The following NRG3 variants were observed in gnomAD, a reference collection of about 807,000 sequenced individuals.
NRG3 encodes the protein pro-neuregulin-3, membrane-bound isoform.
NRG3 carries 31 observed loss-of-function variants against 66.9 expected under a neutral mutation model. The observed-to-expected ratio is 0.46, with a 90% CI of 0.35 to 0.63. NRG3 has a LOEUF of 0.63. Among genes scored for constraint, NRG3 ranks in the 20% least tolerant of loss-of-function variants. The pLI, the probability that NRG3 is intolerant of heterozygous loss-of-function variation, is 0.00. For missense variants in NRG3, 910 were observed against 878.9 expected (o/e 1.04, Z -0.45); for synonymous variants, 393 against 359.4 (o/e 1.09, Z -1.06).
At chr10:82,393,506 G>A (rs2135981669) in intron 2 of NRG3, among the ~76,000 whole-genome samples, 1 of 152,268 alleles carries the variant, frequency 6.6e-6, no homozygotes, top group Non-Finnish European at 1.5e-5. Flanking sequence ...TTGCCAGGAG[G>A]GAATGAAATA....
intron 1 of NRG3, among the ~76,000 whole-genome samples, chr10:82,100,388 T>A (rs2066655223): frequency 1.3e-5 from 2 of 152,092 alleles, no homozygotes; most frequent in Non-Finnish European, 2.9e-5. Flanking sequence ...TTCAGCCTTT[T>A]ATTGCACTGG....
intron 1 of NRG3, among the ~76,000 whole-genome samples, chr10:81,939,703 T>TA (rs56890949): frequency 3.8e-4 from 56 of 145,854 alleles, no homozygotes; most frequent in Middle Eastern, 3.5e-3. Flanking sequence ...TTGATCTTAT[T>TA]AAAAAAAAAA....
chr10:82,891,017 A>C (rs1440128449), intron 4 of NRG3, among the ~76,000 whole-genome samples: 1 of 152,088 alleles, frequency 6.6e-6, no homozygotes, highest in African/African-American at 2.4e-5. Context: ...TATAACATAC[A>C]ACTTGTAGCT....
At chr10:82,912,873 C>T (rs1845460954) in intron 4 of NRG3, among the ~76,000 whole-genome samples, 1 of 152,160 alleles carries the variant, frequency 6.6e-6, no homozygotes, top group African/African-American at 2.4e-5. Flanking sequence ...TGTACATTTA[C>T]AACTAATCTA....
At chr10:82,781,892 A>G (rs539030194) in intron 3 of NRG3, among the ~76,000 whole-genome samples, 2 of 152,262 alleles carry the variant, frequency 1.3e-5, no homozygotes, top group South Asian at 4.1e-4. Flanking sequence ...AGGACCAAAA[A>G]AAAAATCCTG....
chr10:82,109,794 A>G (rs1207554932), intron 1 of NRG3, among the ~76,000 whole-genome samples: 4 of 152,136 alleles, frequency 2.6e-5, no homozygotes, highest in Admixed American at 1.3e-4. Flanking sequence ...CAAGCCTTCA[A>G]ATTCAGTACT....
In NRG3 at chr10:82,758,887, T is replaced by TA. The variant is rs879445041; in HGVS notation, c.1027+20251dup. On this transcript the variant is annotated intron_variant, in intron 3 of 8. Transcript: ENST00000372141. ...CTGGCTCATTACATTCAGTGAATGT[T>TA]AAAAAAAAAAAAAAGTCCTCTGTGG... Among the ~76,000 whole-genome samples the TA allele has an allele frequency of 5.7e-3, 797 of 140,612 alleles. 7 individuals are homozygous for TA. The highest frequency in any genetic ancestry group is 0.015 in the African/African-American group (594 of 38,358). 92.2% of individuals were successfully genotyped at this position (140,612 alleles called of 152,430 possible).
At chr10:81,915,841 A>G (rs1338280331) in intron 1 of NRG3, among the ~76,000 whole-genome samples, 2 of 152,154 alleles carry the variant, frequency 1.3e-5, no homozygotes, top group Non-Finnish European at 2.9e-5. Flanking sequence ...CCTGGACATC[A>G]GGGAAGCTTT....
intron 3 of NRG3, among the ~76,000 whole-genome samples, chr10:82,773,249 C>T (rs1019567159): frequency 2.0e-5 from 3 of 152,090 alleles, no homozygotes; most frequent in African/African-American, 7.2e-5. Flanking sequence ...CTTGCCAACA[C>T]TTATTGCTTG....
At chr10:82,413,554 A>G (rs2088288189) in intron 2 of NRG3, among the ~76,000 whole-genome samples, 1 of 152,160 alleles carries the variant, frequency 6.6e-6, no homozygotes, top group South Asian at 2.1e-4. Flanking sequence ...AACCAGCTGC[A>G]TTATGTAACA....
intron 4 of NRG3, among the ~76,000 whole-genome samples, chr10:82,881,695 G>C (rs1481533473): frequency 6.6e-6 from 1 of 152,092 alleles, no homozygotes; most frequent in Non-Finnish European, 1.5e-5. Context: ...TATCTGCCTA[G>C]CTATATATCT....
intron 3 of NRG3, among the ~76,000 whole-genome samples, chr10:82,845,749 A>G (rs1195941939): frequency 6.6e-6 from 1 of 152,228 alleles, no homozygotes; most frequent in African/African-American, 2.4e-5. Flanking sequence ...GAATAAAATG[A>G]AAAGATACAA....
At chr10:82,630,601 C>G (rs1275234753) in intron 2 of NRG3, among the ~76,000 whole-genome samples, 6 of 151,574 alleles carry the variant, frequency 4.0e-5, no homozygotes, top group Non-Finnish European at 5.9e-5. Context: ...TCACTTGAAC[C>G]TGGGAGGCGA....
chr10:82,247,406 G>A (rs982037888), intron 1 of NRG3, among the ~76,000 whole-genome samples: 1 of 152,130 alleles, frequency 6.6e-6, no homozygotes, highest in African/African-American at 2.4e-5. Flanking sequence ...AAGAGAATAA[G>A]AGAGCTCTTG....
At chr10:82,730,088 CTTTTTTT>C (rs531254299) in intron 2 of NRG3, among the ~76,000 whole-genome samples, 1 of 132,810 alleles carries the variant, frequency 7.5e-6, no homozygotes, top group Non-Finnish European at 1.6e-5. Flanking sequence ...TTTTTTTTTC[CTTTTTTT>C]TTTTTTTTGA....
intron 3 of NRG3, among the ~76,000 whole-genome samples, chr10:82,781,790 T>C (rs527433722): frequency 6.6e-6 from 1 of 151,852 alleles, no homozygotes; most frequent in Admixed American, 6.6e-5. Context: ...TCCTGAAGAG[T>C]GTGTAGTAGT....
At chr10:82,643,889 C>A (rs1287550414) in intron 2 of NRG3, among the ~76,000 whole-genome samples, 1 of 29,292 alleles carries the variant, frequency 3.4e-5, no homozygotes, top group Non-Finnish European at 5.9e-5. Flanking sequence ...CACACGCGCA[C>A]ACACACACAC....
intron 1 of NRG3, among the ~76,000 whole-genome samples, chr10:81,940,977 T>G (rs1848355641): frequency 6.6e-6 from 1 of 152,152 alleles, no homozygotes; most frequent in Non-Finnish European, 1.5e-5. Context: ...ATTTATGAAG[T>G]TACAATAGAT....
chr10:82,089,283 T>C (rs1051472106), intron 1 of NRG3, among the ~76,000 whole-genome samples: 2 of 152,194 alleles, frequency 1.3e-5, no homozygotes, highest in African/African-American at 4.8e-5. Flanking sequence ...TCTTACATTT[T>C]GTATTAGAGC....
Sources: allele counts gnomAD v4.1 joint callset (sites outside exome capture counted in the v4.1 genomes callset), GRCh38; gene constraint gnomAD v4.1.1; transcripts MANE v1.5; gene names NCBI Gene and HGNC (gene_info 2026-07-23, HGNC 2026-07-21).